The following C1orf185 variants were observed in gnomAD, a reference collection of about 807,000 sequenced individuals.
The protein encoded by C1orf185 is chromosome 1 open reading frame 185, also known as uncharacterized protein C1orf185.
In C1orf185, 13 loss-of-function variants were observed where a neutral mutation model predicts 16.1. The ratio of observed to expected loss-of-function variants is 0.81; its 90% CI spans 0.53 to 1.28. C1orf185 has a LOEUF of 1.28. C1orf185 is among the 50% of genes most tolerant of loss of function. The pLI is 0.00. For missense variants in C1orf185, 220 were observed against 225.2 expected (o/e 0.98, Z 0.15); for synonymous variants, 80 against 76.9 (o/e 1.04, Z -0.21).
intron 2 of C1orf185, among the ~76,000 whole-genome samples, chr1:51,117,158 C>T (rs916074146): frequency 4.6e-5 from 7 of 152,160 alleles, no homozygotes; most frequent in Admixed American, 3.9e-4. Flanking sequence ...CAGCATAAAG[C>T]CTGGCACTTA....
chr1:51,110,420 A>G (rs1420364463), intron 1 of C1orf185, among the ~76,000 whole-genome samples: 1 of 152,172 alleles, frequency 6.6e-6, no homozygotes, highest in African/African-American at 2.4e-5. Flanking sequence ...TTGTACCACT[A>G]ATTAATTCCT....
intron 4 of C1orf185, among the ~76,000 whole-genome samples, chr1:51,146,232 G>A (rs113599791): frequency 0.043 from 6,497 of 152,010 alleles, 388 homozygotes; most frequent in African/African-American, 0.13. Flanking sequence ...GTCGCGGTGG[G>A]CAGATCACTT....
At chr1:51,135,475 G>T (rs1178384141) in intron 3 of C1orf185, among the ~76,000 whole-genome samples, 2 of 151,652 alleles carry the variant, frequency 1.3e-5, no homozygotes, top group East Asian at 1.9e-4. Context: ...GAAGGCGGAG[G>T]TTGCAGTGAG....
At chr1:51,129,430 T>C (rs2148023018) in intron 3 of C1orf185, among the ~76,000 whole-genome samples, 1 of 152,234 alleles carries the variant, frequency 6.6e-6, no homozygotes, top group African/African-American at 2.4e-5. Flanking sequence ...ATGTAACATG[T>C]GGTCTTTTGA....
intron 1 of C1orf185, among the ~76,000 whole-genome samples, chr1:51,102,677 A>G (rs1646040886): frequency 6.6e-6 from 1 of 151,632 alleles, no homozygotes; most frequent in African/African-American, 2.4e-5. Flanking sequence ...ATCTTACTAG[A>G]GATTTGTCCA....
chr1:51,111,332 ATACTTT>A (rs1646117216), intron 1 of C1orf185, among the ~76,000 whole-genome samples: 1 of 143,278 alleles, frequency 7.0e-6, no homozygotes, highest in Non-Finnish European at 1.5e-5. Context: ...AATTGGTGAT[ATACTTT>A]TACTTTATAT....
chr1:51,136,509 T>C (rs375873009), intron 3 of C1orf185, among the ~76,000 whole-genome samples: 2 of 152,020 alleles, frequency 1.3e-5, no homozygotes, highest in South Asian at 4.2e-4. Context: ...GCTATAGAGT[T>C]ACAGTAGCCA....
At chr1:51,144,688 G>A (rs555349460) in intron 3 of C1orf185, among the ~76,000 whole-genome samples, 13 of 152,108 alleles carry the variant, frequency 8.5e-5, no homozygotes, top group Non-Finnish European at 1.8e-4. Flanking sequence ...ACCCCATCCT[G>A]GGTGACAGAA....
chr1:51,110,917 C>G (rs780661273), intron 1 of C1orf185, among the ~76,000 whole-genome samples: 16 of 151,004 alleles, frequency 1.1e-4, no homozygotes, highest in Non-Finnish European at 2.1e-4. Context: ...TGCAGTGAGC[C>G]GAGATCTCAC....
At chr1:51,143,577 A>G (rs1432880359) in intron 3 of C1orf185, among the ~76,000 whole-genome samples, 1 of 152,198 alleles carries the variant, frequency 6.6e-6, no homozygotes, top group African/African-American at 2.4e-5. Flanking sequence ...ATCATTTTTA[A>G]CAGTTGAAAG....
intron 1 of C1orf185, among the ~76,000 whole-genome samples, chr1:51,103,317 G>C (rs920733101): frequency 6.6e-6 from 1 of 151,204 alleles, no homozygotes; most frequent in East Asian, 2.0e-4. Context: ...GAGGTGGGAG[G>C]ATCAGCTGGG....
intron 1 of C1orf185, among the ~76,000 whole-genome samples, chr1:51,108,134 G>A (rs1405526394): frequency 6.6e-6 from 1 of 152,142 alleles, no homozygotes; most frequent in Non-Finnish European, 1.5e-5. Context: ...AGGCTACTCT[G>A]CCTCTTTGCC....
At chr1:51,135,784 A>G (rs906231315) in intron 3 of C1orf185, among the ~76,000 whole-genome samples, 10 of 152,172 alleles carry the variant, frequency 6.6e-5, no homozygotes, top group African/African-American at 2.2e-4. Context: ...CCTATTCAAC[A>G]TAGTACAGGA....
At chr1:51,136,977 C>A (rs1646330076) in intron 3 of C1orf185, among the ~76,000 whole-genome samples, 1 of 152,046 alleles carries the variant, frequency 6.6e-6, no homozygotes, top group African/African-American at 2.4e-5. Context: ...AAAAAACCTA[C>A]AAATGGGAGA....
At chr1:51,131,252 G>T (rs1646282996) in intron 3 of C1orf185, among the ~76,000 whole-genome samples, 1 of 152,174 alleles carries the variant, frequency 6.6e-6, no homozygotes, top group Non-Finnish European at 1.5e-5. Flanking sequence ...TTCATTTGTG[G>T]CAGTACGCAT....
intron 3 of C1orf185, 120 bp from the exon 4 acceptor site, chr1:51,145,604 G>A: frequency 8.1e-6 from 4 of 491,450 alleles, no homozygotes; most frequent in Non-Finnish European, 1.3e-5. Flanking sequence ...ACTGTGGAAA[G>A]AAACATTTTC....
intron 3 of C1orf185, among the ~76,000 whole-genome samples, chr1:51,120,680 G>A (rs755244485): frequency 4.6e-5 from 7 of 152,148 alleles, no homozygotes; most frequent in South Asian, 2.1e-4. Context: ...TACCCATCAC[G>A]TACTAGGCAT....
intron 3 of C1orf185, among the ~76,000 whole-genome samples, chr1:51,137,846 A>G (rs1004268791): frequency 6.6e-6 from 1 of 152,370 alleles, no homozygotes; most frequent in East Asian, 1.9e-4. Context: ...TATGGTACAT[A>G]TACATTATGG....
At chr1:51,114,682 C>A (rs1405958331) in intron 2 of C1orf185, among the ~76,000 whole-genome samples, 1 of 152,170 alleles carries the variant, frequency 6.6e-6, no homozygotes, top group African/African-American at 2.4e-5. Context: ...AAGATCCCAC[C>A]ACTGCACTCC....
Sources: allele counts gnomAD v4.1 joint callset (sites outside exome capture counted in the v4.1 genomes callset), GRCh38; gene constraint gnomAD v4.1.1; transcripts MANE v1.5; gene names NCBI Gene and HGNC (gene_info 2026-07-23, HGNC 2026-07-21).